Variants in SEC23IP observed in about 807,000 individuals in gnomAD.
SEC23IP encodes the protein SEC23 interacting protein, also known as SEC23-interacting protein.
A neutral mutation model predicts 113.4 loss-of-function variants in SEC23IP; 70 were observed. The ratio of observed to expected loss-of-function variants is 0.62; its 90% CI spans 0.51 to 0.75. The LOEUF (loss-of-function observed/expected upper bound fraction) is 0.75. SEC23IP is among the 30% of genes least tolerant of loss of function. The probability of loss-of-function intolerance (pLI) is 0.00; values close to 1 mark genes in which losing one functional copy is unlikely to be tolerated. For synonymous variants in SEC23IP, 398 were observed against 421.0 expected, an observed-to-expected ratio of 0.95 and a Z score of 0.67; for missense variants, 1,160 against 1,204.9, an observed-to-expected ratio of 0.96 and a Z score of 0.55.
intron 4 of SEC23IP, among the ~76,000 whole-genome samples, chr10:119,905,749 T>G (rs17692811): frequency 0.11 from 16,436 of 152,154 alleles, 942 homozygotes; most frequent in South Asian, 0.17. Flanking sequence ...CTAGAAATAT[T>G]AGCACCAATA....
At chr10:119,937,388 G>C (rs1319285812) in intron 18 of SEC23IP, among the ~76,000 whole-genome samples, 2 of 151,870 alleles carry the variant, frequency 1.3e-5, no homozygotes, top group Admixed American at 1.3e-4. Flanking sequence ...CACTTTGGCA[G>C]GCCGAGGTGG....
At chr10:119,927,789 T>C (rs1855470505) in intron 13 of SEC23IP, among the ~76,000 whole-genome samples, 1 of 152,238 alleles carries the variant, frequency 6.6e-6, no homozygotes, top group African/African-American at 2.4e-5. Context: ...TTTTACTCTT[T>C]TAAGTAGTCT....
In SEC23IP at chr10:119,926,063, G is replaced by A; in HGVS notation, c.2149G>A (p.Val717Met). ...AAAAGCAGCGTCAGAAAAGAAGGCA[G>A]TGGCGGCCACTTCTACAAAAGGACA... Reference protein sequence around the residue: ...LKKAASEKKAVAATSTKGQEQ... With the variant: ...LKKAASEKKAMAATSTKGQEQ... Residue 717 changes from valine to methionine, a missense_variant, in exon 13 of 19, where the codon GTG (valine) becomes ATG (methionine). By Grantham distance (21) the Val-to-Met change is conservative (BLOSUM62 1). Transcript: ENST00000369075. The A allele has an allele frequency of 6.2e-7, 1 of 1,613,414 alleles. No individual in the cohort carries two copies. The highest frequency in any genetic ancestry group is 8.5e-7 in the Non-Finnish European group (1 of 1,179,742).
chr10:119,922,818 T>A (rs1203892279), intron 12 of SEC23IP, among the ~76,000 whole-genome samples: 1 of 152,106 alleles, frequency 6.6e-6, no homozygotes, highest in Non-Finnish European at 1.5e-5. Flanking sequence ...ACAAAGAGCT[T>A]TTCATCTCAC....
At chr10:119,919,036 C>A (rs1392225870) in intron 10 of SEC23IP, among the ~76,000 whole-genome samples, 1 of 151,158 alleles carries the variant, frequency 6.6e-6, no homozygotes, top group African/African-American at 2.4e-5. Context: ...TTTTGTCACC[C>A]AGGTTAGAGT....
chr10:119,915,644 A>T (rs919959401), intron 7 of SEC23IP, 104 bp from the exon 8 acceptor site: 1 of 829,466 alleles, frequency 1.2e-6, no homozygotes, highest in African/African-American at 1.8e-5. Flanking sequence ...TAAAAAATGT[A>T]TCTTTATGTT....
At chr10:119,915,305 G>A (rs34718652) in intron 7 of SEC23IP, among the ~76,000 whole-genome samples, 12 of 152,142 alleles carry the variant, frequency 7.9e-5, no homozygotes, top group Non-Finnish European at 1.3e-4. Context: ...GGGTATAGGC[G>A]CTGTCACTGT....
In SEC23IP at chr10:119,920,953, C is replaced by A. The variant is rs780624404; in HGVS notation, c.2090C>A (p.Ala697Asp). Residue 697 changes from alanine to aspartate, a missense_variant, in exon 12 of 19, where the codon GCT (alanine) becomes GAT (aspartate). Coordinates refer to ENST00000369075, the MANE Select transcript of SEC23IP (RefSeq NM_007190.4). ...GIPLGPRKKI[A>D]NFVEHKAAKL... ...CCCCTTGGACCCAGAAAGAAGATAG[C>A]TAACTTTGTAGAACATAAAGCAGCC... The A allele has an allele frequency of 3.1e-6, 5 of 1,613,676 alleles. No individual in the cohort carries two copies. The South Asian group carries it at 5.5e-5, about 18-fold the overall frequency.
intron 7 of SEC23IP, among the ~76,000 whole-genome samples, 164 bp downstream of exon 7, chr10:119,914,983 G>T (rs1417324837): frequency 1.3e-5 from 2 of 152,146 alleles, no homozygotes; most frequent in East Asian, 3.8e-4. Flanking sequence ...TACTTGATTT[G>T]CTCTTGTGAC....
intron 15 of SEC23IP, among the ~76,000 whole-genome samples, chr10:119,930,725 GGAA>G (rs1178718486): frequency 9.2e-5 from 14 of 152,192 alleles, no homozygotes; most frequent in Non-Finnish European, 2.9e-5. Context: ...TTTGGAATTA[GGAA>G]GAAGAACAGT....
intron 1 of SEC23IP, among the ~76,000 whole-genome samples, 172 bp downstream of exon 1, chr10:119,893,117 C>G (rs1354692625): frequency 2.0e-5 from 3 of 152,088 alleles, no homozygotes; most frequent in Non-Finnish European, 4.4e-5. Flanking sequence ...TTGGAGGTGG[C>G]AGGTGATGAG....
intron 2 of SEC23IP, among the ~76,000 whole-genome samples, chr10:119,901,040 A>T: frequency 4.7e-5 from 3 of 63,248 alleles, no homozygotes; most frequent in Non-Finnish European, 8.6e-5. Context: ...TTTTTTTTAA[A>T]GAGTGGGGGG....
chr10:119,924,296 C>T lies in SEC23IP; in HGVS notation c.2122-1740C>T, dbSNP rs147933571. On this transcript the variant is annotated intron_variant, in intron 12 of 18. Coordinates refer to ENST00000369075, the MANE Select transcript of SEC23IP (RefSeq NM_007190.4). ...TGTTTAAATCGAGACTAACACTTAG[C>T]CATTCACAGCCTAACAAGTCCCCCT... Among the ~76,000 whole-genome samples the T allele has an allele frequency of 4.6e-5, 7 of 152,286 alleles. No homozygotes were observed. The East Asian group carries it at 7.7e-4, about 17-fold the overall frequency.
intron 4 of SEC23IP, chr10:119,904,500 G>C: frequency 3.9e-6 from 2 of 507,760 alleles, no homozygotes; most frequent in Non-Finnish European, 3.5e-6. Flanking sequence ...ACACATCACA[G>C]ATCTAATAAG....
intron 18 of SEC23IP, among the ~76,000 whole-genome samples, chr10:119,934,152 G>A (rs34112569): frequency 0.055 from 8,423 of 152,260 alleles, 431 homozygotes; most frequent in South Asian, 0.27. Context: ...CTTCTGTTGA[G>A]TGACTCCACC....
intron 5 of SEC23IP, among the ~76,000 whole-genome samples, chr10:119,910,308 T>C (rs1000992494): frequency 6.6e-6 from 1 of 152,192 alleles, no homozygotes; most frequent in Non-Finnish European, 1.5e-5. Flanking sequence ...AAAAAAATAT[T>C]GATTGCTGGT....
At chr10:119,895,542 A>G (rs1021972575) in intron 1 of SEC23IP, among the ~76,000 whole-genome samples, 2 of 152,204 alleles carry the variant, frequency 1.3e-5, no homozygotes, top group African/African-American at 4.8e-5. Context: ...GGTTTAGAAC[A>G]GTTAGAAAGA....
In SEC23IP at chr10:119,933,755, G is replaced by A; in HGVS notation, c.2991G>A (p.Gln997=). Residue 997 remains glutamine, a synonymous_variant, in exon 18 of 19, where the codon CAG becomes CAA. Coordinates refer to ENST00000369075, the MANE Select transcript of SEC23IP (RefSeq NM_007190.4). ...IYRTMNISPE[Q]PQH The stretch of plus-strand genomic sequence containing the variant: ...GAACAATGAACATTAGTCCAGAACA[G>A]CCCCAGCATTGATCAAACTTCAGTT... 1 of 1,578,504 alleles carries A rather than the reference G, an allele frequency of 6.3e-7. No homozygotes were observed.
chr10:119,926,632 T>C (rs1589845103), intron 13 of SEC23IP, among the ~76,000 whole-genome samples: 1 of 152,346 alleles, frequency 6.6e-6, no homozygotes, highest in South Asian at 2.1e-4. Flanking sequence ...GAAAAAGTCT[T>C]ATAAAAATTG....
Sources: gnomAD v4.1 joint callset for allele counts (sites outside exome capture counted in the v4.1 genomes callset) on GRCh38, gnomAD v4.1.1 for gene constraint, MANE v1.5 for transcripts, NCBI Gene and HGNC (gene_info 2026-07-23, HGNC 2026-07-21) for gene names.